LRIG2: variants seen among roughly 807,000 people sequenced by gnomAD.
LRIG2 encodes leucine-rich repeats and immunoglobulin-like domains protein 2.
LRIG2 carries 93 observed loss-of-function variants against 107.8 expected under a neutral mutation model. The observed-to-expected ratio is 0.86, with a 90% CI of 0.73 to 1.03. The LOEUF (loss-of-function observed/expected upper bound fraction) is 1.03. Among genes scored for constraint, LRIG2 ranks in the 50% least tolerant of loss-of-function variants. The pLI is 0.00. For synonymous variants in LRIG2, 471 were observed against 470.6 expected (o/e 1.00, Z -0.01); for missense variants, 1,226 against 1,296.0 (o/e 0.95, Z 0.83).
rs1655148137 is a variant in LRIG2, at chr1:113,119,389, A to G, written c.2837A>G (p.Tyr946Cys). 1.2e-6 allele frequency: 2 copies of G among 1,614,020 alleles called. No homozygotes were observed. Among genetic ancestry groups the G allele is most frequent in the Non-Finnish European group, 1.7e-6 (2 of 1,180,000 alleles). ...ATGGTCCAAATGCCTAAAGAGACAT[A>G]TTTAGTACATCCTCCCCAGGATACT... ...SLMVQMPKET[Y>C]LVHPPQDTTA... The change falls in exon 17 of 18, where the codon TAT becomes TGT. Residue 946 changes from tyrosine (Y) to cysteine (C), a missense_variant. Tyr to Cys is a radical substitution (Grantham distance 194, BLOSUM62 -2). Transcript: ENST00000361127.
Position 113,126,554 on chromosome 1 carries a change from A to C in LRIG2, c.*2453A>C, listed in dbSNP as rs1212186733. On this transcript the variant is annotated 3_prime_UTR_variant, in exon 18 of 18. Transcript: ENST00000361127. ...TTTCTGTATTCAGCCTTCCATTATT[A>C]AGGATAAAATTGATCCCTACATTGA... 1 of 152,186 alleles carries C rather than the reference A, an allele frequency of 6.6e-6. No individual in the cohort carries two copies. Among genetic ancestry groups the C allele is most frequent in the Non-Finnish European group, 1.5e-5 (1 of 68,020 alleles). The allele number at this position is 152,186 out of a possible 1,614,324, so 9.4% of individuals were successfully genotyped here.
At chr1:113,123,727 T>TGTG in intron 17 of LRIG2, 148 bp from the exon 18 acceptor site, 1 of 596,548 alleles carries the variant, frequency 1.7e-6, no homozygotes, top group African/African-American at 2.0e-5. Context: ...GTGGTGGTTT[T>TGTG]TGTGTGTGTG....
chr1:113,118,041 T>C (rs1655091280), intron 16 of LRIG2, among the ~76,000 whole-genome samples: 1 of 152,154 alleles, frequency 6.6e-6, no homozygotes, highest in East Asian at 1.9e-4. Flanking sequence ...TGCCTCAGCC[T>C]CCTGAGTAGC....
At chr1:113,077,229 CTG>C (rs1165973485) in intron 1 of LRIG2, among the ~76,000 whole-genome samples, 1 of 152,008 alleles carries the variant, frequency 6.6e-6, no homozygotes, top group African/African-American at 2.4e-5. Flanking sequence ...ACTGCAACCT[CTG>C]TCGCCCGGGT....
At chr1:113,096,101 G>C in intron 7 of LRIG2, 84 bp downstream of exon 7, 2 of 1,585,010 alleles carry the variant, frequency 1.3e-6, no homozygotes, top group Non-Finnish European at 1.7e-6. Context: ...GTAATGAGAT[G>C]TAACATCCCT....
At position 113,112,554 on chromosome 1, in the gene LRIG2, C is replaced by T. The variant is rs1168115837; in HGVS notation, c.1874C>T (p.Ala625Val). The change falls in exon 14 of 18, where the codon GCA becomes GTA. Residue 625 changes from alanine to valine, a missense_variant. Ala to Val is a moderately conservative substitution (Grantham distance 64). Coordinates refer to ENST00000361127, the MANE Select transcript of LRIG2 (RefSeq NM_014813.3). ...TGAMARLECA[A>V]EGHPAPQISW... ...GCCATGGCCAGATTAGAATGTGCTG[C>T]AGAGGGACACCCTGCACCTCAGATT... 6.2e-7 allele frequency: 1 copy of T among 1,614,166 alleles called. No individual in the cohort carries two copies. Among genetic ancestry groups the T allele is most frequent in the Non-Finnish European group, 8.5e-7 (1 of 1,180,012 alleles).
chr1:113,100,462 T>C lies in LRIG2; in HGVS notation c.1287T>C (p.Ala429=). 6.5e-7 allele frequency: 1 copy of C among 1,532,398 alleles called. No homozygotes were observed. The highest frequency in any genetic ancestry group is 9.0e-7 in the Non-Finnish European group (1 of 1,111,028). 94.9% of individuals were successfully genotyped at this position (1,532,398 alleles called of 1,614,324 possible). ...NNAIMSIQEN[A]FSQTHLKELI... Reference sequence around the variant, plus strand: ...CTATAATGTCTATCCAAGAAAATGCTTTTTCTCAGACTCATTTAAAAGAAC... The same window carrying C: ...CTATAATGTCTATCCAAGAAAATGCCTTTTCTCAGACTCATTTAAAAGAAC... The change falls in exon 11 of 18, where the codon GCT becomes GCC. Residue 429 remains alanine, a synonymous_variant. Transcript: ENST00000361127.
intron 14 of LRIG2, among the ~76,000 whole-genome samples, chr1:113,113,560 A>G (rs1654868666): frequency 6.7e-6 from 1 of 148,712 alleles, no homozygotes; most frequent in Non-Finnish European, 1.5e-5. Context: ...TTATTTATTT[A>G]TTTATTTATT....
chr1:113,093,404 G>A (rs1653910131), intron 3 of LRIG2, 26 bp from the exon 4 acceptor site: 3 of 1,611,822 alleles, frequency 1.9e-6, no homozygotes, highest in South Asian at 2.2e-5. Flanking sequence ...AGTGGCAGCA[G>A]CTTCATTATA....
At chr1:113,082,763 C>T (rs879533969) in intron 1 of LRIG2, among the ~76,000 whole-genome samples, 1 of 151,956 alleles carries the variant, frequency 6.6e-6, no homozygotes, top group Non-Finnish European at 1.5e-5. Context: ...AAGCAATTCT[C>T]CTGCCTCAGC....
intron 1 of LRIG2, among the ~76,000 whole-genome samples, chr1:113,080,580 G>T (rs892402151): frequency 6.7e-6 from 1 of 150,128 alleles, no homozygotes; most frequent in East Asian, 2.0e-4. Context: ...TGGTTTCACC[G>T]TGTTAGCCAG....
At chr1:113,106,993 T>C (rs1418478205) in intron 11 of LRIG2, among the ~76,000 whole-genome samples, 1 of 152,136 alleles carries the variant, frequency 6.6e-6, no homozygotes, top group Non-Finnish European at 1.5e-5. Flanking sequence ...GATTCACCAA[T>C]TGTTAACTTT....
chr1:113,112,838 A>C (rs564601892), intron 14 of LRIG2, 78 bp downstream of exon 14: 1 of 1,375,584 alleles, frequency 7.3e-7, no homozygotes, highest in African/African-American at 1.4e-5. Context: ...AGCAAGAAAA[A>C]TAAGTTTGAG....
In LRIG2 at chr1:113,125,292, C is replaced by G. The variant is rs1655443181; in HGVS notation, c.*1191C>G. 6.6e-6 allele frequency: 1 copy of G among 152,192 alleles called. No homozygotes were observed. The highest frequency in any genetic ancestry group is 2.4e-5 in the African/African-American group (1 of 41,444). 9.4% of individuals were successfully genotyped at this position (152,192 alleles called of 1,614,324 possible). A position where few individuals can be genotyped will look rare whatever the true frequency, so the allele number is the denominator to read the frequency against. The stretch of plus-strand genomic sequence containing the variant: ...GGTGTAATTAACCGCCTTCTTCATG[C>G]CTAGAGGTTCATACTTCTGGTCATT... On this transcript the variant is annotated 3_prime_UTR_variant, in exon 18 of 18. Coordinates refer to ENST00000361127, the MANE Select transcript of LRIG2 (RefSeq NM_014813.3).
At chr1:113,093,371 A>AT in intron 3 of LRIG2, 59 bp from the exon 4 acceptor site, 3 of 1,586,324 alleles carry the variant, frequency 1.9e-6, no homozygotes, top group South Asian at 1.1e-5. Flanking sequence ...TCTAATTAAC[A>AT]TTTTTGTGGC....
At chr1:113,083,997 T>TATA (rs55895711) in intron 1 of LRIG2, among the ~76,000 whole-genome samples, 4,926 of 125,612 alleles carry the variant, frequency 0.039, 199 homozygotes, top group African/African-American at 0.11. Flanking sequence ...GAACTTAAAG[T>TATA]ATAATAATAA....
chr1:113,098,747 T>C lies in LRIG2; in HGVS notation c.1134T>C (p.Ala378=). ...NNEISWAIED[A]SEAFAGLTSL... ...AAATTTCATGGGCCATAGAAGATGC[T>C]AGTGAAGCCTTTGCTGGACTCACAA... The change falls in exon 9 of 18, where the codon GCT becomes GCC. Residue 378 remains alanine, a synonymous_variant. Coordinates refer to ENST00000361127, the MANE Select transcript of LRIG2 (RefSeq NM_014813.3). The C allele has an allele frequency of 1.2e-6, 2 of 1,613,086 alleles. No individual in the cohort carries two copies. Among genetic ancestry groups the C allele is most frequent in the Non-Finnish European group, 1.7e-6 (2 of 1,179,132 alleles).
At chr1:113,075,728 T>C (rs371956981) in intron 1 of LRIG2, among the ~76,000 whole-genome samples, 134 of 135,768 alleles carry the variant, frequency 9.9e-4, no homozygotes, top group African/African-American at 3.2e-3. Flanking sequence ...GGAGTCGCGC[T>C]CTTGTTGCCC....
At chr1:113,093,724 G>A (rs1653927711) in intron 4 of LRIG2, among the ~76,000 whole-genome samples, 160 bp downstream of exon 4, 1 of 151,952 alleles carries the variant, frequency 6.6e-6, no homozygotes, top group Non-Finnish European at 1.5e-5. Context: ...GTATACATAT[G>A]TAACTAACCT....
Sources: allele counts gnomAD v4.1 joint callset (sites outside exome capture counted in the v4.1 genomes callset), GRCh38; gene constraint gnomAD v4.1.1; transcripts MANE v1.5; gene names NCBI Gene and HGNC (gene_info 2026-07-23, HGNC 2026-07-21).